PDE4D: variants seen among roughly 807,000 people sequenced by gnomAD.
The protein encoded by PDE4D is 3',5'-cyclic-AMP phosphodiesterase 4D.
A neutral mutation model predicts 87.4 loss-of-function variants in PDE4D; 24 were observed. That is an observed-to-expected ratio of 0.27 (90% CI 0.20 to 0.39). PDE4D has a LOEUF of 0.39. Ranked by LOEUF, PDE4D falls within the 10% of genes least tolerant of loss-of-function variation. PDE4D has a pLI of 1.00. For missense variants in PDE4D, 714 were observed against 1,041.0 expected (o/e 0.69, Z 4.32); for synonymous variants, 384 against 383.2 (o/e 1.00, Z -0.02).
chr5:59,194,028 A>G (rs967027489), intron 2 of PDE4D, among the ~76,000 whole-genome samples: 2 of 152,218 alleles, frequency 1.3e-5, no homozygotes, highest in African/African-American at 4.8e-5. Flanking sequence ...GGACTGCATC[A>G]TACACTAATA....
In PDE4D at chr5:60,179,179, C is replaced by T. The variant is rs188744998; in HGVS notation, c.42+6378G>A. Among the ~76,000 whole-genome samples the T allele has an allele frequency of 2.6e-3, 400 of 152,142 alleles. 3 individuals carry two copies. Among genetic ancestry groups the T allele is most frequent in the African/African-American group, 9.3e-3 (384 of 41,504 alleles). The stretch of plus-strand genomic sequence containing the variant: ...GGTATCCCTACCCCCATGTGTGTGG[C>T]GTATGACATATCCTGGGTAATAGGA... On this transcript the variant is annotated intron_variant, in intron 2 of 16. Transcript: ENST00000502484.
intron 5 of PDE4D, chr5:59,091,195 A>G (rs1053151371): frequency 4.5e-6 from 2 of 445,804 alleles, no homozygotes; most frequent in Non-Finnish European, 4.5e-6. Context: ...AGGAATTCTC[A>G]TTACCTTCTC....
intron 1 of PDE4D, among the ~76,000 whole-genome samples, chr5:59,271,819 C>T (rs2306292): frequency 0.11 from 16,126 of 151,762 alleles, 894 homozygotes; most frequent in Middle Eastern, 0.17. Context: ...ATATTTTAAA[C>T]TTTCATATAT....
At chr5:59,615,405 T>C (rs965184064) in intron 1 of PDE4D, among the ~76,000 whole-genome samples, 8 of 152,314 alleles carry the variant, frequency 5.3e-5, no homozygotes, top group African/African-American at 1.9e-4. Context: ...TATCTCCCTA[T>C]GCCATTTTGA....
At chr5:60,498,325 C>T (rs1346361047) in intron 1 of PDE4D, among the ~76,000 whole-genome samples, 2 of 152,174 alleles carry the variant, frequency 1.3e-5, no homozygotes, top group Admixed American at 6.5e-5. Flanking sequence ...AACCAGCAAA[C>T]AGCAGTCCAC....
chr5:59,950,114 T>C (rs1032036536), intron 3 of PDE4D, among the ~76,000 whole-genome samples: 3 of 152,164 alleles, frequency 2.0e-5, no homozygotes, highest in Non-Finnish European at 4.4e-5. Flanking sequence ...TATTAAGAGA[T>C]CTTTACATTT....
intron 5 of PDE4D, among the ~76,000 whole-genome samples, chr5:59,081,656 T>G (rs1418532766): frequency 6.6e-6 from 1 of 152,176 alleles, no homozygotes; most frequent in African/African-American, 2.4e-5. Context: ...AATGGTTTTG[T>G]ATATCTTTTC....
At chr5:59,645,129 A>C (rs1423059178) in intron 1 of PDE4D, among the ~76,000 whole-genome samples, 2 of 152,202 alleles carry the variant, frequency 1.3e-5, no homozygotes, top group Non-Finnish European at 2.9e-5. Context: ...TCTAGGAAAA[A>C]AATAGAACTA....
At chr5:59,996,259 G>C (rs1356558684) in intron 2 of PDE4D, among the ~76,000 whole-genome samples, 1 of 152,194 alleles carries the variant, frequency 6.6e-6, no homozygotes, top group Non-Finnish European at 1.5e-5. Context: ...CCAGGAAGAA[G>C]ACAGTCATAG....
intron 1 of PDE4D, among the ~76,000 whole-genome samples, chr5:60,350,576 G>A (rs1299035283): frequency 3.9e-5 from 6 of 152,154 alleles, no homozygotes; most frequent in South Asian, 2.1e-4. Flanking sequence ...GAAATGCGTC[G>A]ATGGTTGGGG....
chr5:59,992,438 C>A (rs1175238891), intron 2 of PDE4D, among the ~76,000 whole-genome samples: 1 of 152,142 alleles, frequency 6.6e-6, no homozygotes, highest in Non-Finnish European at 1.5e-5. Flanking sequence ...ATACATGTAT[C>A]CTATTAGTTC....
intron 1 of PDE4D, among the ~76,000 whole-genome samples, chr5:59,843,018 G>T (rs899262614): frequency 2.0e-5 from 3 of 151,728 alleles, no homozygotes; most frequent in Non-Finnish European, 2.9e-5. Context: ...TTTTTTAAAT[G>T]ATTTCTTATA....
intron 1 of PDE4D, among the ~76,000 whole-genome samples, chr5:60,477,081 C>T (rs1177129469): frequency 1.3e-5 from 2 of 152,094 alleles, no homozygotes; most frequent in Non-Finnish European, 2.9e-5. Context: ...TTTGAAGTTC[C>T]TCTATGACAT....
At chr5:60,512,348 T>G (rs888955068) in intron 1 of PDE4D, among the ~76,000 whole-genome samples, 1 of 152,218 alleles carries the variant, frequency 6.6e-6, no homozygotes, top group African/African-American at 2.4e-5. Context: ...TAGAATTGTT[T>G]TGATAGTCCT....
At chr5:60,403,540 C>G (rs968987335) in intron 1 of PDE4D, among the ~76,000 whole-genome samples, 1 of 152,236 alleles carries the variant, frequency 6.6e-6, no homozygotes, top group African/African-American at 2.4e-5. Context: ...TATTCATGTT[C>G]TGTGTGCCAG....
chr5:59,356,645 T>C (rs1165237788), intron 1 of PDE4D: 5 of 774,578 alleles, frequency 6.5e-6, no homozygotes, highest in Admixed American at 3.9e-5. Context: ...TAATATATTG[T>C]CAATTTAACA....
intron 5 of PDE4D, among the ~76,000 whole-genome samples, chr5:59,050,266 C>A (rs1761336285): frequency 6.6e-6 from 1 of 151,808 alleles, no homozygotes; most frequent in Non-Finnish European, 1.5e-5. Context: ...AAACTCTGTC[C>A]CAAAAAAAGA....
intron 1 of PDE4D, among the ~76,000 whole-genome samples, chr5:60,262,223 C>T (rs1749718456): frequency 6.6e-6 from 1 of 152,112 alleles, no homozygotes; most frequent in Non-Finnish European, 1.5e-5. Flanking sequence ...ACCTGAGTTG[C>T]TCCCGTCCCT....
chr5:59,309,803 A>T (rs1312458141), intron 1 of PDE4D, among the ~76,000 whole-genome samples: 2 of 151,998 alleles, frequency 1.3e-5, no homozygotes, highest in Non-Finnish European at 2.9e-5. Flanking sequence ...TGTCTCTTGG[A>T]TGTATTTTTT....
Sources: gnomAD v4.1 joint callset for allele counts (sites outside exome capture counted in the v4.1 genomes callset) on GRCh38, gnomAD v4.1.1 for gene constraint, MANE v1.5 for transcripts, NCBI Gene and HGNC (gene_info 2026-07-23, HGNC 2026-07-21) for gene names.